The following PTPRM variants were observed in gnomAD, a reference collection of about 807,000 sequenced individuals.
PTPRM encodes the protein receptor-type tyrosine-protein phosphatase mu.
A neutral mutation model predicts 186.7 loss-of-function variants in PTPRM; 47 were observed. The observed-to-expected ratio is 0.25, with a 90% CI of 0.20 to 0.32. The LOEUF is 0.32. Ranked by LOEUF, PTPRM falls within the 10% of genes least tolerant of loss-of-function variation. PTPRM has a pLI of 1.00. For synonymous variants in PTPRM, 668 were observed against 674.9 expected (o/e 0.99, Z 0.16); for missense variants, 1,494 against 1,865.0 (o/e 0.80, Z 3.66).
chr18:8,014,361 G>C (rs181137321), intron 7 of PTPRM, among the ~76,000 whole-genome samples: 1 of 151,976 alleles, frequency 6.6e-6, no homozygotes, highest in South Asian at 2.1e-4. Context: ...TTATTTCAAA[G>C]GTTTTTTTGT....
rs1214502563 is a variant in PTPRM at position 7,984,602 on chromosome 18, T to TATATATAC, written c.1132+29189_1132+29190insTATATACA. On this transcript the variant is annotated intron_variant, in intron 7 of 32. Coordinates refer to ENST00000580170, the MANE Select transcript of PTPRM (RefSeq NM_001105244.2). The stretch of plus-strand genomic sequence containing the variant: ...ATATATATATATATATATATATATA[T>TATATATAC]ACACACACACACACACACACACACA... Among the ~76,000 whole-genome samples, 704 of 87,090 alleles carry TATATATAC rather than the reference T, an allele frequency of 8.1e-3. 4 individuals carry two copies. Among genetic ancestry groups the TATATATAC allele is most frequent in the Non-Finnish European group, 9.3e-3 (432 of 46,532 alleles). 57.1% of individuals were successfully genotyped at this position (87,090 alleles called of 152,430 possible). A position where few individuals can be genotyped will look rare whatever the true frequency, so the allele number is the denominator to read the frequency against.
At chr18:7,993,426 A>T (rs1249178410) in intron 7 of PTPRM, among the ~76,000 whole-genome samples, 1 of 152,142 alleles carries the variant, frequency 6.6e-6, no homozygotes, top group Non-Finnish European at 1.5e-5. Context: ...GAGGCACATT[A>T]TAGTTAAACT....
At chr18:7,984,307 C>G (rs1050008323) in intron 7 of PTPRM, among the ~76,000 whole-genome samples, 8 of 151,820 alleles carry the variant, frequency 5.3e-5, no homozygotes, top group African/African-American at 1.9e-4. Context: ...TCCTCATTTT[C>G]CAAGTCAGGA....
intron 1 of PTPRM, among the ~76,000 whole-genome samples, chr18:7,767,286 G>A (rs2144836508): frequency 1.3e-5 from 2 of 152,274 alleles, no homozygotes; most frequent in Middle Eastern, 3.4e-3. Context: ...AGAACAGAAT[G>A]ATAAATATTT....
At chr18:8,171,164 C>T (rs1430693232) in intron 14 of PTPRM, among the ~76,000 whole-genome samples, 1 of 152,160 alleles carries the variant, frequency 6.6e-6, no homozygotes, top group African/African-American at 2.4e-5. Flanking sequence ...CATTCTGGAC[C>T]TAAATAACCT....
At chr18:8,141,948 A>G (rs1214922768) in intron 13 of PTPRM, among the ~76,000 whole-genome samples, 1 of 152,216 alleles carries the variant, frequency 6.6e-6, no homozygotes, top group East Asian at 1.9e-4. Context: ...TTGTTTATCC[A>G]CATACACATT....
chr18:8,082,329 T>A (rs1226787565), intron 9 of PTPRM, among the ~76,000 whole-genome samples: 3 of 152,170 alleles, frequency 2.0e-5, no homozygotes, highest in African/African-American at 7.2e-5. Flanking sequence ...ATTGTATGAA[T>A]AGTCACAACA....
At chr18:7,613,552 A>C (rs1439390596) in intron 1 of PTPRM, among the ~76,000 whole-genome samples, 1 of 152,144 alleles carries the variant, frequency 6.6e-6, no homozygotes, top group Non-Finnish European at 1.5e-5. Context: ...ATGTACCTGC[A>C]GTCTGAGCTA....
intron 1 of PTPRM, among the ~76,000 whole-genome samples, chr18:7,706,678 G>C (rs890157223): frequency 4.7e-5 from 7 of 149,554 alleles, no homozygotes; most frequent in African/African-American, 1.7e-4. Context: ...TAAGGGATTG[G>C]AAACCAAGAT....
chr18:7,877,379 A>G (rs924216091), intron 2 of PTPRM, among the ~76,000 whole-genome samples: 1 of 151,998 alleles, frequency 6.6e-6, no homozygotes, highest in Non-Finnish European at 1.5e-5. Context: ...TTAAAGATGG[A>G]TGTTGGTAAC....
rs184504368 is a variant in PTPRM, at chr18:7,688,235, C to T, written c.74-85914C>T. Among the ~76,000 whole-genome samples the T allele has an allele frequency of 4.1e-4, 63 of 152,186 alleles. 1 individual carries two copies. Among genetic ancestry groups the T allele is most frequent in the Admixed American group, 2.8e-3 (43 of 15,280 alleles). ...AAGACTTACATTGGGCTTTTTGTGG[C>T]GGAAATGGGGAGCAGGATTTGTTCT... On this transcript the variant is annotated intron_variant, in intron 1 of 32. Coordinates refer to ENST00000580170, the MANE Select transcript of PTPRM (RefSeq NM_001105244.2).
intron 2 of PTPRM, among the ~76,000 whole-genome samples, chr18:7,795,545 T>A (rs624519): frequency 0.74 from 111,605 of 151,726 alleles, 42,476 homozygotes; most frequent in East Asian, 1. Context: ...TTGTTATGTC[T>A]TTGTTTGTGA....
rs964309855 is a variant in PTPRM, at chr18:8,340,663, C to T, written c.2957-2760C>T. The stretch of plus-strand genomic sequence containing the variant: ...TTCCATGATTCACAGAGCTTGCAGG[C>T]AAGGTTAGACTAGTCAGGAGATTCA... On this transcript the variant is annotated intron_variant, in intron 22 of 32. Transcript: ENST00000580170. Among the ~76,000 whole-genome samples the T allele has an allele frequency of 1.4e-4, 21 of 152,238 alleles. 1 individual carries two copies. In the South Asian group the frequency reaches 4.1e-3, roughly 30 times the overall value.
intron 7 of PTPRM, among the ~76,000 whole-genome samples, chr18:8,048,183 T>C (rs779145401): frequency 2.6e-5 from 4 of 152,054 alleles, no homozygotes; most frequent in Non-Finnish European, 5.9e-5. Flanking sequence ...ACAAAAACTA[T>C]GTTTAGGGAA....
chr18:8,303,591 GT>G (rs1173405054), intron 20 of PTPRM, among the ~76,000 whole-genome samples: 2 of 152,144 alleles, frequency 1.3e-5, no homozygotes, highest in Admixed American at 1.3e-4. Flanking sequence ...GACACAATAT[GT>G]TTAGGAAGGC....
chr18:7,802,387 A>T (rs2044018135), intron 2 of PTPRM, among the ~76,000 whole-genome samples: 1 of 152,132 alleles, frequency 6.6e-6, no homozygotes, highest in Non-Finnish European at 1.5e-5. Context: ...GACGGTAAAG[A>T]TGATGCCACA....
chr18:7,968,403 G>A (rs2054297248), intron 7 of PTPRM, among the ~76,000 whole-genome samples: 1 of 143,664 alleles, frequency 7.0e-6, no homozygotes, highest in Non-Finnish European at 1.5e-5. Context: ...ATCAACTAAT[G>A]AGCAAAATCA....
Position 8,376,531 on chromosome 18 carries a change from G to T in PTPRM, c.3396G>T (p.Gly1132=). ...DIMLDMAERE[G]VVDIYNCVRE... is the part of the protein sequence containing the mutation. ...TGTTGGACATGGCCGAAAGGGAAGGGGTCGTAGACATCTACAACTGCGTCA... is the reference window on the plus strand; with the variant it reads ...TGTTGGACATGGCCGAAAGGGAAGGTGTCGTAGACATCTACAACTGCGTCA... The change falls in exon 26 of 33, where the codon GGG becomes GGT. Residue 1132 remains glycine, a synonymous_variant. Coordinates refer to ENST00000580170, the MANE Select transcript of PTPRM (RefSeq NM_001105244.2). 6.2e-7 allele frequency: 1 copy of T among 1,613,994 alleles called. No homozygotes were observed. Among genetic ancestry groups the T allele is most frequent in the Non-Finnish European group, 8.5e-7 (1 of 1,180,016 alleles).
At chr18:7,905,882 C>A (rs2049953571) in intron 3 of PTPRM, among the ~76,000 whole-genome samples, 1 of 152,180 alleles carries the variant, frequency 6.6e-6, no homozygotes, top group African/African-American at 2.4e-5. Flanking sequence ...CTTTCAGAAC[C>A]TTCAGAAAAG....
Sources: gnomAD v4.1 joint callset for allele counts (sites outside exome capture counted in the v4.1 genomes callset) on GRCh38, gnomAD v4.1.1 for gene constraint, MANE v1.5 for transcripts, NCBI Gene and HGNC (gene_info 2026-07-23, HGNC 2026-07-21) for gene names.